Variants in OVCH2 observed in about 807,000 individuals in gnomAD.
OVCH2 encodes ovochymase-2.
A neutral mutation model predicts 73.7 loss-of-function variants in OVCH2; 88 were observed. The observed-to-expected ratio is 1.19, with a 90% CI of 1.01 to 1.43. The LOEUF (loss-of-function observed/expected upper bound fraction) is 1.43. Ranked by LOEUF, OVCH2 falls within the 40% of genes most tolerant of loss-of-function variation. The probability of loss-of-function intolerance (pLI) is 0.00; values close to 1 mark genes in which losing one functional copy is unlikely to be tolerated. For synonymous variants in OVCH2, 265 were observed against 234.5 expected, an observed-to-expected ratio of 1.13 and a Z score of -1.19; for missense variants, 706 against 674.5, an observed-to-expected ratio of 1.05 and a Z score of -0.52.
the OVCH2 span, among the ~76,000 whole-genome samples, chr11:7,683,916 A>T: frequency 3.5e-4 from 53 of 151,802 alleles, no homozygotes; most frequent in African/African-American, 1.2e-3. Context: ...TTTTTTTACA[A>T]TTGCAATACC....
Position 7,700,432 on chromosome 11 carries a change from CAG to C in OVCH2, c.763_764del (p.Leu255GlyfsTer22). On this transcript the variant is annotated frameshift_variant, in exon 7 of 16. Transcript: ENST00000533663. LOFTEE classifies it high-confidence loss of function. ...MCRNKKGAWTLAGVTSWGLGC... is the reference protein window; with the variant it reads ...MCRNKKGAWTXAGVTSWGLGC... Reference sequence around the variant, plus strand: ...CCAAACCCCAGGAAGTCACACCAGCCAGAGTCCAGGCCCCTTTCTTATTCCGG... The same window carrying C: ...CCAAACCCCAGGAAGTCACACCAGCCAGTCCAGGCCCCTTTCTTATTCCGG... The C allele has an allele frequency of 6.2e-7, 1 of 1,612,088 alleles. No homozygotes were observed. Among genetic ancestry groups the C allele is most frequent in the South Asian group, 1.1e-5 (1 of 90,594 alleles).
At chr11:7,697,778 T>C (rs1390779302) in intron 8 of OVCH2, among the ~76,000 whole-genome samples, 1 of 152,186 alleles carries the variant, frequency 6.6e-6, no homozygotes, top group Admixed American at 6.5e-5. Flanking sequence ...TTCTTGTCTC[T>C]CAAACTAATG....
chr11:7,680,435 C>A, the OVCH2 span, among the ~76,000 whole-genome samples: 1 of 152,010 alleles, frequency 6.6e-6, no homozygotes, highest in Non-Finnish European at 1.5e-5. Flanking sequence ...ATTTAAAGAT[C>A]TTGAGACAGA....
At chr11:7,695,771 A>G (rs963656140) in intron 10 of OVCH2, 61 bp from the exon 11 acceptor site, 1 of 1,547,332 alleles carries the variant, frequency 6.5e-7, no homozygotes, top group African/African-American at 1.4e-5. Context: ...CCATTCAATG[A>G]TTTAAGAAGA....
the OVCH2 span, among the ~76,000 whole-genome samples, chr11:7,680,232 C>T: frequency 1.1e-4 from 16 of 152,274 alleles, no homozygotes; most frequent in African/African-American, 2.4e-4. Context: ...AATGTGTGGT[C>T]TCTTAGGCTA....
At chr11:7,685,646 G>GCCATAGCTCCTGCCCT (rs545161094), downstream of OVCH2, among the ~76,000 whole-genome samples, 1 of 151,020 alleles carries the variant, frequency 6.6e-6, no homozygotes, top group African/African-American at 2.5e-5. Context: ...CACCCGGTCG[G>GCCATAGCTCCTGCCCT]TGTCCAGCCA....
At chr11:7,689,661 G>T (rs1856182559) in intron 15 of OVCH2, 59 bp from the exon 16 acceptor site, 1 of 549,932 alleles carries the variant, frequency 1.8e-6, no homozygotes, top group Non-Finnish European at 3.5e-6. Context: ...TTCTCCCTGT[G>T]TGTGTATGTC....
intron 10 of OVCH2, 23 bp from the exon 11 acceptor site, chr11:7,695,733 T>G (rs1856320421): frequency 6.3e-7 from 1 of 1,583,384 alleles, no homozygotes; most frequent in South Asian, 1.1e-5. Context: ...AAAAAAGGAT[T>G]CTTTGTTCAG....
downstream of OVCH2, among the ~76,000 whole-genome samples, chr11:7,688,073 C>G (rs777343986): frequency 6.6e-6 from 1 of 152,226 alleles, no homozygotes; most frequent in African/African-American, 2.4e-5. Flanking sequence ...ATTCAGTCCA[C>G]AGCAAAACCT....
intron 1 of OVCH2, among the ~76,000 whole-genome samples, chr11:7,705,062 C>G (rs896923473): frequency 1.3e-5 from 2 of 152,186 alleles, no homozygotes; most frequent in Non-Finnish European, 2.9e-5. Flanking sequence ...CACCTGGTAA[C>G]TCAAGGATGG....
At chr11:7,700,227 A>G (rs1856408960) in intron 7 of OVCH2, 69 bp downstream of exon 7, 2 of 1,482,622 alleles carry the variant, frequency 1.3e-6, no homozygotes, top group Admixed American at 1.8e-5. Context: ...ATTTGCCAGG[A>G]CTCTGCTGAT....
chr11:7,688,488 C>T (rs1208915657), downstream of OVCH2, among the ~76,000 whole-genome samples: 1 of 152,182 alleles, frequency 6.6e-6, no homozygotes, highest in Admixed American at 6.5e-5. Context: ...AATTTTTCCA[C>T]CCGGGGCTTC....
chr11:7,702,465 G>A, intron 3 of OVCH2, 136 bp from the exon 4 acceptor site: 1 of 706,404 alleles, frequency 1.4e-6, no homozygotes. Flanking sequence ...GAGAAAGTGA[G>A]AATAATTCCA....
At chr11:7,687,515 T>C (rs999977023), downstream of OVCH2, among the ~76,000 whole-genome samples, 1 of 152,114 alleles carries the variant, frequency 6.6e-6, no homozygotes, top group Non-Finnish European at 1.5e-5. Context: ...CCTTTCTTTA[T>C]GAAAGTGAAA....
At chr11:7,692,853 T>C (rs532254221) in intron 12 of OVCH2, among the ~76,000 whole-genome samples, 2 of 152,368 alleles carry the variant, frequency 1.3e-5, no homozygotes, top group South Asian at 4.1e-4. Context: ...ATAGTTTCTA[T>C]AATTGTGATG....
the OVCH2 span, among the ~76,000 whole-genome samples, chr11:7,683,945 T>C: frequency 4.0e-5 from 6 of 151,866 alleles, no homozygotes; most frequent in Admixed American, 2.0e-4. Context: ...CAGCATTCAC[T>C]ATCCCCTATT....
chr11:7,695,130 G>A lies in OVCH2; in HGVS notation c.1341C>T (p.Asn447=), dbSNP rs1394637560. The A allele has an allele frequency of 3.2e-6, 5 of 1,555,232 alleles. No homozygotes were observed. Among genetic ancestry groups the A allele is most frequent in the Non-Finnish European group, 4.4e-6 (5 of 1,148,846 alleles). Residue 447 remains asparagine, a synonymous_variant, in exon 12 of 16, where the codon AAC becomes AAT. Transcript: ENST00000533663. Reference sequence around the variant, plus strand: ...CCTTGTCACTGTAGTTTTCAGGATAGTTTAGACTCTGTATGAGACCTTCTT... The same window carrying A: ...CCTTGTCACTGTAGTTTTCAGGATAATTTAGACTCTGTATGAGACCTTCTT... ...LFEEGLIQSL[N]YPENYSDKAN...
intron 2 of OVCH2, among the ~76,000 whole-genome samples, 177 bp from the exon 3 acceptor site, chr11:7,703,966 C>T (rs1856490229): frequency 6.6e-6 from 1 of 152,284 alleles, no homozygotes; most frequent in Middle Eastern, 3.4e-3. Context: ...GTGGTGCTGG[C>T]AACCCTGGTC....
At position 7,689,607 on chromosome 11, in the gene OVCH2, A is replaced by G. The variant is rs765194758; in HGVS notation, c.*32-5T>C. 16 of 477,042 alleles carry G rather than the reference A, an allele frequency of 3.4e-5. No homozygotes were observed. Among genetic ancestry groups the G allele is most frequent in the Non-Finnish European group, 6.2e-5 (15 of 241,292 alleles). The allele number at this position is 477,042 out of a possible 1,614,324, so 29.6% of individuals were successfully genotyped here. A position where few individuals can be genotyped will look rare whatever the true frequency, so the allele number is the denominator to read the frequency against. On this transcript the variant is annotated splice_region_variant and splice_polypyrimidine_tract_variant and intron_variant, in intron 15 of 15. Coordinates refer to ENST00000533663, the MANE Select transcript of OVCH2 (RefSeq NM_198185.7). ...CAGTCACTGGTGCCCCTTGGCCTGT[A>G]GATAATGTATTGCCCCAACCTCTGC...
Sources: allele counts gnomAD v4.1 joint callset (sites outside exome capture counted in the v4.1 genomes callset), GRCh38; gene constraint gnomAD v4.1.1; transcripts MANE v1.5; gene names NCBI Gene and HGNC (gene_info 2026-07-23, HGNC 2026-07-21).